Variants in SLC2A9 observed in about 807,000 individuals in gnomAD.
SLC2A9 encodes the protein solute carrier family 2 member 9, also known as solute carrier family 2, facilitated glucose transporter member 9.
A neutral mutation model predicts 50.6 loss-of-function variants in SLC2A9; 39 were observed. The observed-to-expected ratio is 0.77, with a 90% CI of 0.60 to 1.01. The LOEUF is 1.01. Among genes scored for constraint, SLC2A9 ranks in the 50% least tolerant of loss-of-function variants. The pLI, the probability that SLC2A9 is intolerant of heterozygous loss-of-function variation, is 0.00. For missense variants in SLC2A9, 686 were observed against 677.6 expected, an observed-to-expected ratio of 1.01 and a Z score of -0.14; for synonymous variants, 324 against 276.9, an observed-to-expected ratio of 1.17 and a Z score of -1.69.
rs115219441 is a variant in SLC2A9, at chr4:9,901,781, A to C, written c.1113+6454T>G. On this transcript the variant is annotated intron_variant, in intron 8 of 11. Coordinates refer to ENST00000264784, the MANE Select transcript of SLC2A9 (RefSeq NM_020041.3). ...CTCAGATTCTTGCTGTCTGTCCTAG[A>C]GGGAGACCCATTGGCTCAAATCAAC... 8.2e-3 allele frequency among the ~76,000 whole-genome samples: 1,249 copies of C among 152,218 alleles called. 16 individuals carry two copies. The highest frequency in any genetic ancestry group is 0.029 in the African/African-American group (1,206 of 41,526).
At chr4:9,837,643 A>T (rs1272978129) in intron 10 of SLC2A9, among the ~76,000 whole-genome samples, 1 of 152,114 alleles carries the variant, frequency 6.6e-6, no homozygotes, top group Non-Finnish European at 1.5e-5. Context: ...ATTGGTTAAG[A>T]CTCCTGATCC....
Position 9,885,740 on chromosome 4 carries a change from A to G in SLC2A9, c.1291+1827T>C, listed in dbSNP as rs888299937. On this transcript the variant is annotated intron_variant, in intron 10 of 11. Transcript: ENST00000264784. ...CTAGCCTGGAGGAGACACACATTAA[A>G]GACAGACTGCAGCACACAGGCCGCA... Among the ~76,000 whole-genome samples, 48 of 152,324 alleles carry G rather than the reference A, an allele frequency of 3.2e-4. 1 individual carries two copies. The highest frequency in any genetic ancestry group is 2.7e-3 in the Admixed American group (42 of 15,302).
intron 3 of SLC2A9, chr4:9,782,647 C>A: frequency 6.2e-7 from 1 of 1,614,040 alleles, no homozygotes; most frequent in Non-Finnish European, 8.5e-7. Context: ...GGGAGGAGGA[C>A]TTTTGGGAGC....
At position 9,826,334 on chromosome 4, in the gene SLC2A9, G is replaced by T; in HGVS notation, c.*63C>A. ...GTAAATTTTAAGTTTCCTGAAAAGT[G>T]AGATCATCCATGTAGACAATCCTGT... is the stretch of plus-strand genomic sequence containing the variant. On this transcript the variant is annotated 3_prime_UTR_variant, in exon 12 of 12. Transcript: ENST00000264784. The T allele has an allele frequency of 6.5e-7, 1 of 1,543,198 alleles. No individual in the cohort carries two copies. The highest frequency in any genetic ancestry group is 9.0e-7 in the Non-Finnish European group (1 of 1,115,964).
chr4:9,830,355 A>G lies in SLC2A9; in HGVS notation c.1420-3755T>C, dbSNP rs1002807153. Reference sequence around the variant, plus strand: ...ATTGAGGGGAACAATACTGGGGCCTATCAGGGGGTTGTGGTGGAGGGAGAG... The same window carrying G: ...ATTGAGGGGAACAATACTGGGGCCTGTCAGGGGGTTGTGGTGGAGGGAGAG... On this transcript the variant is annotated intron_variant, in intron 11 of 11. Transcript: ENST00000264784. Among the ~76,000 whole-genome samples the G allele has an allele frequency of 6.6e-5, 10 of 152,306 alleles. No individual in the cohort carries two copies. The East Asian group carries it at 1.9e-3, about 29-fold the overall frequency.
intron 6 of SLC2A9, among the ~76,000 whole-genome samples, chr4:9,932,284 G>A (rs1335355705): frequency 2.6e-5 from 4 of 151,828 alleles, no homozygotes; most frequent in Non-Finnish European, 5.9e-5. Context: ...TCAGCCTTTG[G>A]TATACTTTGG....
chr4:9,997,145 A>T (rs913865302), intron 2 of SLC2A9, among the ~76,000 whole-genome samples: 1 of 151,768 alleles, frequency 6.6e-6, no homozygotes, highest in Admixed American at 6.6e-5. Context: ...TCAAATGAGC[A>T]TTTTTTTTCT....
chr4:9,918,974 G>A (rs985351401), intron 7 of SLC2A9, among the ~76,000 whole-genome samples: 2 of 152,154 alleles, frequency 1.3e-5, no homozygotes, highest in African/African-American at 4.8e-5. Context: ...GTACACCATA[G>A]AGGAATTTAT....
In SLC2A9 at chr4:9,955,446, G is replaced by A. The variant is rs1245085976; in HGVS notation, c.682-13401C>T. Among the ~76,000 whole-genome samples the A allele has an allele frequency of 5.2e-5, 2 of 38,182 alleles. 1 individual carries two copies. Among genetic ancestry groups the A allele is most frequent in the African/African-American group, 5.0e-4 (2 of 4,020 alleles). The allele number at this position is 38,182 out of a possible 152,430, so 25.0% of individuals were successfully genotyped here. Reference sequence around the variant, plus strand: ...GGAGGCGGAGCTTGCAGTGAGCCGAGATTGCGCCACTGCACTCCCGCCTGG... The same window carrying A: ...GGAGGCGGAGCTTGCAGTGAGCCGAAATTGCGCCACTGCACTCCCGCCTGG... On this transcript the variant is annotated intron_variant, in intron 5 of 11. Transcript: ENST00000264784.
intron 5 of SLC2A9, among the ~76,000 whole-genome samples, chr4:9,954,192 C>T (rs1365201398): frequency 6.6e-6 from 1 of 152,220 alleles, no homozygotes; most frequent in African/African-American, 2.4e-5. Flanking sequence ...CTTGCCTTGG[C>T]CTCCCAAAGT....
chr4:9,922,221 GA>G (rs2110096089), intron 6 of SLC2A9, among the ~76,000 whole-genome samples: 1 of 151,862 alleles, frequency 6.6e-6, no homozygotes, highest in African/African-American at 2.4e-5. Flanking sequence ...CGCCGGAACA[GA>G]AAACCGAACA....
intron 5 of SLC2A9, among the ~76,000 whole-genome samples, chr4:9,977,768 G>T (rs1755049468): frequency 6.6e-6 from 1 of 152,112 alleles, no homozygotes; most frequent in African/African-American, 2.4e-5. Flanking sequence ...AGAGGTCAGT[G>T]CCTATTTTCC....
At chr4:9,894,889 T>C (rs893668740) in intron 8 of SLC2A9, among the ~76,000 whole-genome samples, 1 of 152,222 alleles carries the variant, frequency 6.6e-6, no homozygotes, top group Non-Finnish European at 1.5e-5. Flanking sequence ...ATGTGTTACA[T>C]TGTCATAGGG....
chr4:9,984,931 T>C (rs932238551), intron 4 of SLC2A9, among the ~76,000 whole-genome samples: 2 of 152,188 alleles, frequency 1.3e-5, no homozygotes, highest in African/African-American at 4.8e-5. Context: ...AGCTCCTCTT[T>C]GGCGTCATCA....
At chr4:9,784,351 G>A (rs190741007) in intron 3 of SLC2A9, among the ~76,000 whole-genome samples, 3 of 152,164 alleles carry the variant, frequency 2.0e-5, no homozygotes, top group African/African-American at 4.8e-5. Context: ...AGACAGATGC[G>A]ATCAGTTCAT....
At chr4:9,822,468 G>C (rs1487130302), downstream of SLC2A9, among the ~76,000 whole-genome samples, 2 of 151,704 alleles carry the variant, frequency 1.3e-5, no homozygotes, top group African/African-American at 4.9e-5. Context: ...AATTCCTCTT[G>C]TTTCAAAATC....
At position 9,920,547 on chromosome 4, in the gene SLC2A9, T is replaced by G. The variant is rs757193666; in HGVS notation, c.840A>C (p.Ala280=). The change falls in exon 7 of 12, where the codon GCA becomes GCC. Residue 280 remains alanine, a synonymous_variant. Transcript: ENST00000264784. ...CCTCCTCTACCTCTTGGGAAACGTCTGCTTTACCCAAGAACGTTTGGAAGG... is the reference window on the plus strand; with the variant it reads ...CCTCCTCTACCTCTTGGGAAACGTCGGCTTTACCCAAGAACGTTTGGAAGG... ...VKAFQTFLGK[A]DVSQEVEEVL... 1 of 1,614,192 alleles carries G rather than the reference T, an allele frequency of 6.2e-7. No individual in the cohort carries two copies. The highest frequency in any genetic ancestry group is 8.5e-7 in the Non-Finnish European group (1 of 1,180,048).
Position 9,842,008 on chromosome 4 carries a change from C to T in SLC2A9, c.1292-7000G>A, listed in dbSNP as rs74916086. Among the ~76,000 whole-genome samples, 868 of 152,256 alleles carry T rather than the reference C, an allele frequency of 5.7e-3. 8 individuals carry two copies. The highest frequency in any genetic ancestry group is 0.02 in the African/African-American group (817 of 41,542). ...TTTCTAAAGAGTGGAGACAGAATCT[C>T]CTATGCTAGAATTATCCTTTATTGG... On this transcript the variant is annotated intron_variant, in intron 10 of 11. Transcript: ENST00000264784.
chr4:9,845,908 G>A (rs1392078820), intron 10 of SLC2A9, among the ~76,000 whole-genome samples: 6 of 152,160 alleles, frequency 3.9e-5, no homozygotes, highest in Admixed American at 2.0e-4. Context: ...CGGGCATTCT[G>A]TTTTGTTTAT....
Sources: gnomAD v4.1 joint callset for allele counts (sites outside exome capture counted in the v4.1 genomes callset) on GRCh38, gnomAD v4.1.1 for gene constraint, MANE v1.5 for transcripts, NCBI Gene and HGNC (gene_info 2026-07-23, HGNC 2026-07-21) for gene names.